TRPC5: variants seen among roughly 807,000 people sequenced by gnomAD.
TRPC5 encodes the protein transient receptor potential cation channel subfamily C member 5, also known as short transient receptor potential channel 5.
In TRPC5, 9 loss-of-function variants were observed where a neutral mutation model predicts 56.5. The ratio of observed to expected loss-of-function variants is 0.16; its 90% CI spans 0.10 to 0.28. TRPC5 has a LOEUF of 0.28. Among genes scored for constraint, TRPC5 ranks in the 10% least tolerant of loss-of-function variants. The probability of loss-of-function intolerance (pLI) is 1.00; values close to 1 mark genes in which losing one functional copy is unlikely to be tolerated. For synonymous variants in TRPC5, 282 were observed against 278.5 expected (o/e 1.01, Z -0.13); for missense variants, 469 against 748.9 (o/e 0.63, Z 4.36).
chrX:111,835,193 G>T, intron 6 of TRPC5, 77 bp from the exon 7 acceptor site: 1 of 903,838 alleles, frequency 1.1e-6, no homozygotes, highest in Non-Finnish European at 1.5e-6. Flanking sequence ...AAGGTGATCT[G>T]CTTAACGAAG....
intron 2 of TRPC5, among the ~76,000 whole-genome samples, chrX:111,926,381 G>A (rs974137064): frequency 1.8e-5 from 2 of 111,825 alleles, no homozygotes; most frequent in African/African-American, 6.5e-5. Flanking sequence ...CCCTAGCCAT[G>A]TCTGACAATT....
At chrX:112,067,005 A>T (rs7053716) in intron 1 of TRPC5, among the ~76,000 whole-genome samples, 14,248 of 111,865 alleles carry the variant, frequency 0.13, 2,051 homozygotes, top group African/African-American at 0.42. Flanking sequence ...CCTCTCAACT[A>T]ACTTCCCACA....
chrX:112,032,297 G>A (rs994340688), intron 1 of TRPC5, among the ~76,000 whole-genome samples: 18 of 109,448 alleles, frequency 1.6e-4, no homozygotes, highest in African/African-American at 6.1e-4. Flanking sequence ...CACTGCTGGT[G>A]AGAAGGTGAA....
intron 3 of TRPC5, among the ~76,000 whole-genome samples, chrX:111,867,767 G>A (rs1289793507): frequency 9.0e-6 from 1 of 111,531 alleles, no homozygotes; most frequent in Non-Finnish European, 1.9e-5. Context: ...CTCTTCGGCC[G>A]CTAAAACATA....
At chrX:111,854,519 G>C (rs994345165) in intron 3 of TRPC5, among the ~76,000 whole-genome samples, 1 of 111,327 alleles carries the variant, frequency 9.0e-6, no homozygotes, top group Non-Finnish European at 1.9e-5. Flanking sequence ...GGATGGAGGA[G>C]AGAGTAGAGC....
At chrX:112,028,815 T>G (rs370378400) in intron 1 of TRPC5, among the ~76,000 whole-genome samples, 18 of 111,931 alleles carry the variant, frequency 1.6e-4, no homozygotes, top group African/African-American at 4.9e-4. Context: ...TGGGTCAAAT[T>G]GTATTTCTAG....
At chrX:112,020,799 G>A (rs1929253912) in intron 1 of TRPC5, among the ~76,000 whole-genome samples, 1 of 110,913 alleles carries the variant, frequency 9.0e-6, no homozygotes, top group South Asian at 3.9e-4. Context: ...GTTATTTATT[G>A]AAAATCTTTT....
intron 1 of TRPC5, among the ~76,000 whole-genome samples, chrX:112,079,574 T>A (rs1930913631): frequency 8.9e-6 from 1 of 112,579 alleles, no homozygotes; most frequent in Admixed American, 9.4e-5. Flanking sequence ...TCTTTCTGTT[T>A]GTTTCAAAAC....
intron 2 of TRPC5, among the ~76,000 whole-genome samples, chrX:111,915,114 A>ACTCTTTTCCTTTCTTTTCTTC (rs1925936585): frequency 9.5e-6 from 1 of 105,111 alleles, no homozygotes; most frequent in Non-Finnish European, 2.0e-5. Context: ...TACTTTTCTT[A>ACTCTTTTCCTTTCTTTTCTTC]CTCTTTTCCT....
intron 3 of TRPC5, among the ~76,000 whole-genome samples, chrX:111,908,360 C>G (rs971751478): frequency 9.9e-5 from 11 of 111,607 alleles, no homozygotes; most frequent in African/African-American, 3.3e-4. Context: ...TGAAGAGAAA[C>G]TAATTATGTT....
intron 2 of TRPC5, among the ~76,000 whole-genome samples, chrX:111,933,563 G>A (rs1220133355): frequency 7.2e-5 from 8 of 111,180 alleles, no homozygotes; most frequent in African/African-American, 2.0e-4. Context: ...GAGGGGCTGT[G>A]GCAAAAAACA....
rs962307983 is a variant in TRPC5, at chrX:111,775,812, C to T, written c.*501G>A. 2 of 112,860 alleles carry T rather than the reference C, an allele frequency of 1.8e-5. No individual in the cohort carries two copies. The highest frequency in any genetic ancestry group is 3.7e-5 in the Non-Finnish European group (2 of 53,709). 9.3% of individuals were successfully genotyped at this position (112,860 alleles called of 1,213,427 possible). A position where few individuals can be genotyped will look rare whatever the true frequency, so the allele number is the denominator to read the frequency against. Reference sequence around the variant, plus strand: ...GCCTCCCTTTGATGCTGTTCATTGACCCAGCATGGGCAGCGCGTAGCACTG... The same window carrying T: ...GCCTCCCTTTGATGCTGTTCATTGATCCAGCATGGGCAGCGCGTAGCACTG... On this transcript the variant is annotated 3_prime_UTR_variant, in exon 11 of 11. Transcript: ENST00000262839.
Position 111,987,994 on chromosome X carries a change from C to T in TRPC5, c.-21-35553G>A, listed in dbSNP as rs180950874. Reference sequence around the variant, plus strand: ...TTTGACCAAATATCTGGGCATCCCACGGCCCAGTCAAGTTGACACATAAAA... The same window carrying T: ...TTTGACCAAATATCTGGGCATCCCATGGCCCAGTCAAGTTGACACATAAAA... On this transcript the variant is annotated intron_variant, in intron 1 of 10. Coordinates refer to ENST00000262839, the MANE Select transcript of TRPC5 (RefSeq NM_012471.3). Among the ~76,000 whole-genome samples the T allele has an allele frequency of 1.7e-3, 190 of 112,611 alleles. 4 individuals carry two copies. In the South Asian group the frequency reaches 0.06, roughly 36 times the overall value.
At chrX:111,788,061 T>G (rs144397175) in intron 7 of TRPC5, among the ~76,000 whole-genome samples, 3,210 of 112,032 alleles carry the variant, frequency 0.029, 107 homozygotes, top group African/African-American at 0.099. Flanking sequence ...TAACTCATTT[T>G]ATGAGGCCAA....
At chrX:111,847,555 A>G (rs1167853484) in intron 5 of TRPC5, 119 bp from the exon 6 acceptor site, 2 of 588,602 alleles carry the variant, frequency 3.4e-6, no homozygotes, top group African/African-American at 2.3e-5. Flanking sequence ...AGCATTCATT[A>G]TGCAACAGGC....
In TRPC5 at chrX:111,778,176, T is replaced by G. The variant is rs559470006; in HGVS notation, c.2232+809A>C. On this transcript the variant is annotated intron_variant, in intron 10 of 10. Coordinates refer to ENST00000262839, the MANE Select transcript of TRPC5 (RefSeq NM_012471.3). ...GTGGGGGTTAGGGGAGGGATAGCAT[T>G]AGGAGAAATACCTAATGTAGATGAT... Among the ~76,000 whole-genome samples the G allele has an allele frequency of 3.6e-5, 4 of 111,308 alleles. No individual in the cohort carries two copies. In the South Asian group the frequency reaches 1.5e-3, roughly 43 times the overall value.
At chrX:111,943,516 A>G (rs1926837069) in intron 2 of TRPC5, among the ~76,000 whole-genome samples, 1 of 112,192 alleles carries the variant, frequency 8.9e-6, no homozygotes, top group Admixed American at 9.4e-5. Flanking sequence ...TCTCTAGCTC[A>G]TCTGTGAGAC....
At chrX:111,888,701 A>AT (rs1924646301) in intron 3 of TRPC5, among the ~76,000 whole-genome samples, 1 of 103,120 alleles carries the variant, frequency 9.7e-6, no homozygotes, top group African/African-American at 3.6e-5. Context: ...CTCAAAAAAA[A>AT]AAAAAAAAAA....
intron 3 of TRPC5, among the ~76,000 whole-genome samples, chrX:111,883,597 A>C (rs1924333800): frequency 8.9e-6 from 1 of 112,651 alleles, no homozygotes; most frequent in African/African-American, 3.2e-5. Flanking sequence ...AGCCTGTCCG[A>C]ATTTTGATAA....
Sources: allele counts gnomAD v4.1 joint callset (sites outside exome capture counted in the v4.1 genomes callset), GRCh38; gene constraint gnomAD v4.1.1; transcripts MANE v1.5; gene names NCBI Gene and HGNC (gene_info 2026-07-23, HGNC 2026-07-21).